The following TATDN1 variants were observed in gnomAD, a reference collection of about 807,000 sequenced individuals.
The protein encoded by TATDN1 is deoxyribonuclease TATDN1.
Under a neutral mutation model 46.4 loss-of-function variants are expected in TATDN1, and 40 were observed. That is an observed-to-expected ratio of 0.86 (90% CI 0.67 to 1.12). The LOEUF is 1.12. Ranked by LOEUF, TATDN1 falls within the 50% of genes most tolerant of loss-of-function variation. The pLI is 0.00. For missense variants in TATDN1, 326 were observed against 348.4 expected (o/e 0.94, Z 0.51); for synonymous variants, 95 against 105.6 (o/e 0.90, Z 0.62).
At chr8:124,510,090 G>A (rs557671817) in intron 6 of TATDN1, among the ~76,000 whole-genome samples, 28 of 151,760 alleles carry the variant, frequency 1.8e-4, no homozygotes, top group Admixed American at 1.6e-3. Flanking sequence ...AAAATAGGTC[G>A]TCTATGTCTG....
chr8:124,504,339 T>A lies in TATDN1; in HGVS notation c.525A>T (p.Ser175=). 1 of 1,603,256 alleles carries A rather than the reference T, an allele frequency of 6.2e-7. No homozygotes were observed. The highest frequency in any genetic ancestry group is 1.7e-5 in the Admixed American group (1 of 58,666). ...CTGCTGCTTCCTTGGTACCATCAAA[T>A]GAATGCACCTGGGGACATACAGGTA... is the stretch of plus-strand genomic sequence containing the variant. ...RDRCVGGVVH[S]FDGTKEAAAA... The change falls in exon 9 of 12, where the codon TCA becomes TCT. Residue 175 remains serine (S), a synonymous_variant. Coordinates refer to ENST00000276692, the MANE Select transcript of TATDN1 (RefSeq NM_032026.4).
intron 4 of TATDN1, among the ~76,000 whole-genome samples, chr8:124,516,690 T>A (rs1227297583): frequency 6.6e-6 from 1 of 151,766 alleles, no homozygotes; most frequent in African/African-American, 2.4e-5. Context: ...ATTCCTCCAT[T>A]ATTGATTCAT....
chr8:124,505,206 GA>G (rs1818310031), intron 8 of TATDN1, among the ~76,000 whole-genome samples: 1 of 150,978 alleles, frequency 6.6e-6, no homozygotes, highest in Non-Finnish European at 1.5e-5. Context: ...CCAATGTGGA[GA>G]AAACCCATCT....
intron 11 of TATDN1, chr8:124,489,897 TA>T (rs1816813280): frequency 1.3e-5 from 2 of 152,212 alleles, no homozygotes; most frequent in African/African-American, 4.8e-5. Context: ...CTAAAGGAAT[TA>T]AGGATGGAGA....
intron 9 of TATDN1, 55 bp downstream of exon 9, chr8:124,504,216 A>G: frequency 1.5e-6 from 2 of 1,329,356 alleles, no homozygotes; most frequent in African/African-American, 1.5e-5. Flanking sequence ...CTGTAAGACA[A>G]TTTAAGAAAT....
chr8:124,508,942 G>T (rs1198154873), intron 6 of TATDN1, among the ~76,000 whole-genome samples: 2 of 152,102 alleles, frequency 1.3e-5, no homozygotes, highest in East Asian at 3.9e-4. Context: ...AACACCACTG[G>T]CCCCTTGCCA....
At chr8:124,501,509 C>T (rs1017992901) in intron 9 of TATDN1, among the ~76,000 whole-genome samples, 3 of 151,562 alleles carry the variant, frequency 2.0e-5, no homozygotes, top group Non-Finnish European at 4.4e-5. Flanking sequence ...GAAAAGGTGA[C>T]TGTGAGGAAA....
At chr8:124,515,612 C>T (rs1187488112) in intron 6 of TATDN1, 134 bp downstream of exon 6, 5 of 777,302 alleles carry the variant, frequency 6.4e-6, no homozygotes, top group South Asian at 1.8e-5. Context: ...ATTTGTTTCA[C>T]TTACTTTTGA....
chr8:124,521,905 A>AT, intron 3 of TATDN1: 7 of 330,994 alleles, frequency 2.1e-5, no homozygotes, highest in South Asian at 8.6e-5. Flanking sequence ...GGTTTAAAAA[A>AT]TTTTTTTTCA....
chr8:124,491,477 C>CA (rs1816987810), intron 11 of TATDN1: 1 of 152,264 alleles, frequency 6.6e-6, no homozygotes, highest in South Asian at 2.1e-4. Flanking sequence ...TCAAAGCAGA[C>CA]AGTTGATGTG....
At chr8:124,513,154 C>T (rs765432857) in intron 6 of TATDN1, among the ~76,000 whole-genome samples, 22 of 152,128 alleles carry the variant, frequency 1.4e-4, no homozygotes, top group Non-Finnish European at 2.8e-4. Flanking sequence ...CTCAGGTGAT[C>T]GGCCTGCCTT....
At chr8:124,511,291 T>A (rs912663218) in intron 6 of TATDN1, among the ~76,000 whole-genome samples, 4 of 152,090 alleles carry the variant, frequency 2.6e-5, no homozygotes, top group Non-Finnish European at 4.4e-5. Context: ...TCAAGGCAAA[T>A]CCAAAAAGCC....
At chr8:124,524,336 T>C (rs918266578) in intron 1 of TATDN1, among the ~76,000 whole-genome samples, 1 of 152,252 alleles carries the variant, frequency 6.6e-6, no homozygotes, top group African/African-American at 2.4e-5. Flanking sequence ...TTAAAAGGGC[T>C]ATTAACATAT....
At chr8:124,508,037 A>T (rs886094874) in intron 8 of TATDN1, among the ~76,000 whole-genome samples, 15 of 151,954 alleles carry the variant, frequency 9.9e-5, no homozygotes, top group African/African-American at 2.9e-4. Context: ...ATTCCTTTTT[A>T]AAAAAAATTT....
intron 6 of TATDN1, among the ~76,000 whole-genome samples, chr8:124,511,546 G>C (rs893480962): frequency 6.6e-6 from 1 of 152,160 alleles, no homozygotes; most frequent in African/African-American, 2.4e-5. Context: ...ACAAGGAAAG[G>C]AGTGTAGCAT....
intron 8 of TATDN1, among the ~76,000 whole-genome samples, chr8:124,507,129 T>C (rs1586601833): frequency 6.6e-6 from 1 of 150,958 alleles, no homozygotes; most frequent in Non-Finnish European, 1.5e-5. Flanking sequence ...GCCACTCCAC[T>C]CCAGCCTGGT....
At chr8:124,510,592 G>A (rs1818921316) in intron 6 of TATDN1, among the ~76,000 whole-genome samples, 1 of 152,206 alleles carries the variant, frequency 6.6e-6, no homozygotes, top group African/African-American at 2.4e-5. Flanking sequence ...GGGAGGCTGA[G>A]GTGGGTGGAT....
chr8:124,532,225 T>C (rs1821028194), intron 1 of TATDN1, among the ~76,000 whole-genome samples: 1 of 152,210 alleles, frequency 6.6e-6, no homozygotes, highest in South Asian at 2.1e-4. Context: ...GTCCTTCGAC[T>C]ATGATAACGG....
At chr8:124,536,097 C>T (rs1317228705) in intron 1 of TATDN1, among the ~76,000 whole-genome samples, 1 of 152,138 alleles carries the variant, frequency 6.6e-6, no homozygotes, top group Non-Finnish European at 1.5e-5. Context: ...ACAGATATTT[C>T]TCATTTTTTG....
Sources: gnomAD v4.1 joint callset for allele counts (sites outside exome capture counted in the v4.1 genomes callset) on GRCh38, gnomAD v4.1.1 for gene constraint, MANE v1.5 for transcripts, NCBI Gene and HGNC (gene_info 2026-07-23, HGNC 2026-07-21) for gene names.